RBM19: variants seen among roughly 807,000 people sequenced by gnomAD.
RBM19 encodes RNA binding motif protein 19, also known as probable RNA-binding protein 19.
A neutral mutation model predicts 116.8 loss-of-function variants in RBM19; 94 were observed. The ratio of observed to expected loss-of-function variants is 0.80; its 90% CI spans 0.68 to 0.95. RBM19 has a LOEUF of 0.95. Ranked by LOEUF, RBM19 falls within the 40% of genes least tolerant of loss-of-function variation. RBM19 has a pLI of 0.00. For synonymous variants in RBM19, 475 were observed against 494.1 expected, an observed-to-expected ratio of 0.96 and a Z score of 0.51; for missense variants, 1,161 against 1,220.7, an observed-to-expected ratio of 0.95 and a Z score of 0.73.
chr12:113,830,989 G>A (rs1192235700), intron 23 of RBM19, among the ~76,000 whole-genome samples: 1 of 152,184 alleles, frequency 6.6e-6, no homozygotes, highest in Non-Finnish European at 1.5e-5. Context: ...AGGGGGTCGG[G>A]GGAGACTACA....
intron 2 of RBM19, among the ~76,000 whole-genome samples, chr12:113,961,067 G>C (rs12366959): frequency 0.19 from 29,012 of 152,260 alleles, 3,433 homozygotes; most frequent in Middle Eastern, 0.32. Flanking sequence ...CCGTTGCCCA[G>C]GCTGGACTGC....
intron 8 of RBM19, among the ~76,000 whole-genome samples, chr12:113,951,189 C>T (rs1476163351): frequency 6.6e-6 from 1 of 152,100 alleles, no homozygotes; most frequent in East Asian, 1.9e-4. Flanking sequence ...TTAATGAGGC[C>T]CCTAAAGCTT....
intron 21 of RBM19, among the ~76,000 whole-genome samples, chr12:113,909,173 G>A (rs75513366): frequency 1.3e-5 from 2 of 151,982 alleles, no homozygotes; most frequent in East Asian, 3.9e-4. Context: ...CACAGGCTGG[G>A]GTGCAGTGGC....
intron 16 of RBM19, among the ~76,000 whole-genome samples, chr12:113,932,298 AC>A (rs1414630279): frequency 6.6e-6 from 1 of 152,100 alleles, no homozygotes; most frequent in Non-Finnish European, 1.5e-5. Flanking sequence ...AGGCTGCAAG[AC>A]CTGAGCCTGG....
intron 14 of RBM19, among the ~76,000 whole-genome samples, chr12:113,941,651 C>CTCCATCCATCCATCCA (rs548473938): frequency 8.2e-5 from 12 of 146,548 alleles, no homozygotes. Flanking sequence ...CATATTCATC[C>CTCCATCCATCCATCCA]TCCATCCATC....
intron 23 of RBM19, among the ~76,000 whole-genome samples, chr12:113,842,859 T>C (rs140957940): frequency 9.2e-4 from 140 of 151,704 alleles, no homozygotes; most frequent in African/African-American, 3.2e-3. Context: ...GGGAACAGCA[T>C]GTGCAAAGGC....
At chr12:113,824,573 C>T (rs1874695817) in intron 23 of RBM19, among the ~76,000 whole-genome samples, 2 of 152,084 alleles carry the variant, frequency 1.3e-5, no homozygotes, top group African/African-American at 4.8e-5. Context: ...AAATAAACCA[C>T]CCTGAGGCCC....
chr12:113,820,056 G>T (rs927587779), downstream of RBM19, among the ~76,000 whole-genome samples: 1 of 151,884 alleles, frequency 6.6e-6, no homozygotes, highest in Non-Finnish European at 1.5e-5. Flanking sequence ...GGGGATAGGG[G>T]GTTGGGGCTG....
intron 11 of RBM19, among the ~76,000 whole-genome samples, 167 bp downstream of exon 11, chr12:113,947,167 T>C (rs1181851280): frequency 6.6e-6 from 1 of 152,184 alleles, no homozygotes; most frequent in Non-Finnish European, 1.5e-5. Context: ...CACGACTTCT[T>C]ACTCTCCAGT....
chr12:113,833,692 C>T (rs1333017640), intron 23 of RBM19, among the ~76,000 whole-genome samples: 1 of 152,238 alleles, frequency 6.6e-6, no homozygotes, highest in Non-Finnish European at 1.5e-5. Context: ...TTTGGAATCG[C>T]TCCTTCCCCT....
chr12:113,873,687 A>AT (rs146908505), intron 21 of RBM19, among the ~76,000 whole-genome samples: 9,015 of 103,878 alleles, frequency 0.087, 549 homozygotes, highest in East Asian at 0.44. Context: ...AAAAAAATAA[A>AT]TTAAAAAAAA....
chr12:113,890,711 C>T (rs1880904758), intron 21 of RBM19, among the ~76,000 whole-genome samples: 1 of 152,234 alleles, frequency 6.6e-6, no homozygotes, highest in Admixed American at 6.5e-5. Flanking sequence ...AGGGGTGTCC[C>T]ACAGAACTTC....
intron 2 of RBM19, among the ~76,000 whole-genome samples, chr12:113,961,058 C>G (rs139548336): frequency 7.9e-4 from 121 of 152,324 alleles, no homozygotes; most frequent in African/African-American, 2.9e-3. Context: ...GGTCTCACTC[C>G]GTTGCCCAGG....
rs1874740720 is a variant in RBM19, at chr12:113,825,059, C to T, written c.2786-1738G>A. On this transcript the variant is annotated intron_variant, in intron 23 of 23. Transcript: ENST00000261741. This position sits in a 1 kb window ranked among gnomAD's most constrained non-coding sequence, Gnocchi z 5.7. ...CCACCCCCTGGCACTTTTTATTACC[C>T]ACACTGCCGCAGGCCTTTCTTTGTG... 6.6e-6 allele frequency among the ~76,000 whole-genome samples: 1 copy of T among 152,236 alleles called. No individual in the cohort carries two copies. Among genetic ancestry groups the T allele is most frequent in the Non-Finnish European group, 1.5e-5 (1 of 68,046 alleles).
rs558321709 is a variant in RBM19, at chr12:113,822,761, T to A, written c.*463A>T. ...AAGAACTAGCTAGCAAGGGGAAGGCTGGGCCCAAGGAGATAAGGAAACTGG... is the reference window on the plus strand; with the variant it reads ...AAGAACTAGCTAGCAAGGGGAAGGCAGGGCCCAAGGAGATAAGGAAACTGG... On this transcript the variant is annotated 3_prime_UTR_variant, in exon 24 of 24. Transcript: ENST00000261741. 1 of 160,752 alleles carries A rather than the reference T, an allele frequency of 6.2e-6. No individual in the cohort carries two copies. The highest frequency in any genetic ancestry group is 2.4e-5 in the African/African-American group (1 of 41,668). 10.0% of individuals were successfully genotyped at this position (160,752 alleles called of 1,614,324 possible).
chr12:113,860,881 A>T (rs916342676), intron 21 of RBM19, among the ~76,000 whole-genome samples: 3 of 152,190 alleles, frequency 2.0e-5, no homozygotes, highest in African/African-American at 7.2e-5. Context: ...CTCAGGGTAG[A>T]AGCCTGAAGG....
chr12:113,841,172 T>G (rs1243349282), intron 23 of RBM19, among the ~76,000 whole-genome samples: 1 of 152,232 alleles, frequency 6.6e-6, no homozygotes, highest in African/African-American at 2.4e-5. Flanking sequence ...GCATGTCAGC[T>G]TCCTCATCTG....
chr12:113,870,502 T>G (rs562783609), intron 21 of RBM19, among the ~76,000 whole-genome samples: 7 of 152,312 alleles, frequency 4.6e-5, no homozygotes, highest in African/African-American at 1.4e-4. Context: ...TTTTGACTCC[T>G]CAACCTAAGG....
At chr12:113,922,774 C>T (rs987526839) in intron 18 of RBM19, among the ~76,000 whole-genome samples, 4 of 152,162 alleles carry the variant, frequency 2.6e-5, no homozygotes, top group Non-Finnish European at 4.4e-5. Flanking sequence ...ATGTAGAATC[C>T]TGACCCCCAG....
Sources: gnomAD v4.1 joint callset for allele counts (sites outside exome capture counted in the v4.1 genomes callset) on GRCh38, gnomAD v4.1.1 for gene constraint, Gnocchi (gnomAD v3.1) non-coding constraint, MANE v1.5 for transcripts, NCBI Gene and HGNC (gene_info 2026-07-23, HGNC 2026-07-21) for gene names.